ADGRL3: variants seen among roughly 807,000 people sequenced by gnomAD.
ADGRL3 encodes the protein adhesion G protein-coupled receptor L3.
Under a neutral mutation model 153.5 loss-of-function variants are expected in ADGRL3, and 62 were observed. The ratio of observed to expected loss-of-function variants is 0.40; its 90% confidence interval spans 0.33 to 0.50. ADGRL3 has a LOEUF of 0.50. Ranked by LOEUF, ADGRL3 falls within the 20% of genes least tolerant of loss-of-function variation. The pLI, the probability that ADGRL3 is intolerant of heterozygous loss-of-function variation, is 0.47. For missense variants in ADGRL3, 1,641 were observed against 1,859.4 expected, an observed-to-expected ratio of 0.88 and a Z score of 2.16; for synonymous variants, 710 against 672.5, an observed-to-expected ratio of 1.06 and a Z score of -0.86.
At chr4:61,693,002 C>A (rs2095568366) in intron 6 of ADGRL3, among the ~76,000 whole-genome samples, 1 of 151,900 alleles carries the variant, frequency 6.6e-6, no homozygotes, top group Non-Finnish European at 1.5e-5. Flanking sequence ...AACCAAATTA[C>A]TTTGATTTGT....
At chr4:61,718,234 T>A (rs1172214930) in intron 6 of ADGRL3, among the ~76,000 whole-genome samples, 7 of 152,100 alleles carry the variant, frequency 4.6e-5, no homozygotes, top group Non-Finnish European at 8.8e-5. Flanking sequence ...ATTGGTACAA[T>A]CCACATAGCC....
At chr4:61,242,256 T>A (rs1755262805) in intron 1 of ADGRL3, among the ~76,000 whole-genome samples, 1 of 152,024 alleles carries the variant, frequency 6.6e-6, no homozygotes, top group African/African-American at 2.4e-5. Flanking sequence ...GGAGATTGTG[T>A]CTATTATGTC....
intron 1 of ADGRL3, among the ~76,000 whole-genome samples, chr4:61,326,521 T>G (rs1159732603): frequency 1.3e-5 from 2 of 151,912 alleles, no homozygotes. Flanking sequence ...TTTTATTATA[T>G]TTTATTTAGG....
chr4:61,853,027 T>A (rs528461572), intron 9 of ADGRL3, among the ~76,000 whole-genome samples: 18 of 152,156 alleles, frequency 1.2e-4, no homozygotes, highest in Non-Finnish European at 2.5e-4. Flanking sequence ...TGGTTTTGTT[T>A]TGTTTTTTGA....
chr4:61,274,100 G>A (rs962147864), intron 1 of ADGRL3, among the ~76,000 whole-genome samples: 7 of 152,212 alleles, frequency 4.6e-5, no homozygotes, highest in African/African-American at 1.7e-4. Context: ...AAGTGCATAT[G>A]TAGCAATATC....
chr4:62,078,266 TA>T lies in ADGRL3; in HGVS notation c.*7361del, dbSNP rs1340680598. ...AACCTTTACATCCTTTTTTTTTCCT[TA>T]AATGCTCTGTACAATCACATGTAAA... On this transcript the variant is annotated 3_prime_UTR_variant, in exon 27 of 27. Coordinates refer to ENST00000683033, the MANE Select transcript of ADGRL3 (RefSeq NM_001387552.1). 1 of 151,880 alleles carries T rather than the reference TA, an allele frequency of 6.6e-6. No homozygotes were observed. Among genetic ancestry groups the T allele is most frequent in the Non-Finnish European group, 1.5e-5 (1 of 67,876 alleles). The allele number at this position is 151,880 out of a possible 1,614,324, so 9.4% of individuals were successfully genotyped here. A position where few individuals can be genotyped will look rare whatever the true frequency, so the allele number is the denominator to read the frequency against.
At chr4:61,818,006 T>C (rs1002934341) in intron 9 of ADGRL3, among the ~76,000 whole-genome samples, 16 of 152,146 alleles carry the variant, frequency 1.1e-4, no homozygotes, top group African/African-American at 3.9e-4. Context: ...CCAAATCTCA[T>C]GTGCTCACAT....
At chr4:61,523,162 C>T (rs1228903800) in intron 4 of ADGRL3, among the ~76,000 whole-genome samples, 1 of 152,036 alleles carries the variant, frequency 6.6e-6, no homozygotes, top group African/African-American at 2.4e-5. Context: ...ACTTTCCTTA[C>T]TCCTAAACTT....
chr4:61,634,347 G>A (rs1276766346), intron 5 of ADGRL3, among the ~76,000 whole-genome samples: 3 of 152,096 alleles, frequency 2.0e-5, no homozygotes, highest in South Asian at 2.1e-4. Context: ...TCAGAGTACC[G>A]TGGCTTAAAT....
chr4:61,657,587 A>C (rs939214746), intron 5 of ADGRL3, among the ~76,000 whole-genome samples: 1 of 152,008 alleles, frequency 6.6e-6, no homozygotes, highest in African/African-American at 2.4e-5. Flanking sequence ...CAACAAACAA[A>C]ATTGTCTTTT....
chr4:61,614,575 G>T (rs2091779625), intron 5 of ADGRL3, among the ~76,000 whole-genome samples: 2 of 152,002 alleles, frequency 1.3e-5, no homozygotes, highest in South Asian at 2.1e-4. Flanking sequence ...ACTGCTAACA[G>T]AATAAAGGTA....
intron 9 of ADGRL3, among the ~76,000 whole-genome samples, chr4:61,843,655 A>G (rs2098068275): frequency 6.6e-6 from 1 of 152,176 alleles, no homozygotes; most frequent in Non-Finnish European, 1.5e-5. Flanking sequence ...AGTCATTGTT[A>G]TTTTGGATTT....
At chr4:62,022,182 T>C (rs2151392280) in intron 21 of ADGRL3, among the ~76,000 whole-genome samples, 1 of 152,328 alleles carries the variant, frequency 6.6e-6, no homozygotes, top group South Asian at 2.1e-4. Context: ...AAAGTTTTAG[T>C]GGTCTTGTTA....
chr4:61,543,601 A>AT (rs1278522825), intron 4 of ADGRL3, among the ~76,000 whole-genome samples: 1 of 152,162 alleles, frequency 6.6e-6, no homozygotes, highest in Non-Finnish European at 1.5e-5. Context: ...AACTTAATAC[A>AT]TTCTCTTCTT....
At chr4:61,571,004 C>T (rs1396847085) in intron 4 of ADGRL3, among the ~76,000 whole-genome samples, 1 of 151,884 alleles carries the variant, frequency 6.6e-6, no homozygotes, top group African/African-American at 2.4e-5. Context: ...GGGGGTTGCT[C>T]AAATGGCCCT....
At chr4:61,374,824 G>A (rs116341363) in intron 1 of ADGRL3, among the ~76,000 whole-genome samples, 2,263 of 151,764 alleles carry the variant, frequency 0.015, 58 homozygotes, top group African/African-American at 0.051. Context: ...CTTTGGCAGA[G>A]GTCACTTCTC....
At chr4:61,256,714 T>A (rs1189366691) in intron 1 of ADGRL3, among the ~76,000 whole-genome samples, 1 of 152,168 alleles carries the variant, frequency 6.6e-6, no homozygotes, top group Non-Finnish European at 1.5e-5. Context: ...AAGTATAATC[T>A]GGAAATAAAC....
chr4:61,648,303 C>A (rs1223395441), intron 5 of ADGRL3, among the ~76,000 whole-genome samples: 7 of 148,990 alleles, frequency 4.7e-5, no homozygotes, highest in Non-Finnish European at 1.0e-4. Flanking sequence ...TATACTTAAT[C>A]CAGGATTCTA....
intron 1 of ADGRL3, among the ~76,000 whole-genome samples, chr4:61,249,517 T>A (rs967150679): frequency 6.6e-6 from 1 of 151,350 alleles, no homozygotes; most frequent in African/African-American, 2.4e-5. Flanking sequence ...GTGCTACACC[T>A]ACCTCATCTA....
Sources: gnomAD v4.1 joint callset for allele counts (sites outside exome capture counted in the v4.1 genomes callset) on GRCh38, gnomAD v4.1.1 for gene constraint, MANE v1.5 for transcripts, NCBI Gene and HGNC (gene_info 2026-07-23, HGNC 2026-07-21) for gene names.